The following TLL2 variants were observed in gnomAD, a reference collection of about 807,000 sequenced individuals.
The protein encoded by TLL2 is tolloid like 2.
A neutral mutation model predicts 123.0 loss-of-function variants in TLL2; 106 were observed. The ratio of observed to expected loss-of-function variants is 0.86; its 90% CI spans 0.74 to 1.01. TLL2 has a LOEUF of 1.01. Among genes scored for constraint, TLL2 ranks in the 50% least tolerant of loss-of-function variants. The probability of loss-of-function intolerance (pLI) is 0.00; values close to 1 mark genes in which losing one functional copy is unlikely to be tolerated. For missense variants in TLL2, 1,332 were observed against 1,336.7 expected (o/e 1.00, Z 0.06); for synonymous variants, 494 against 516.8 (o/e 0.96, Z 0.60).
At position 96,432,922 on chromosome 10, in the gene TLL2, G is replaced by A. The variant is rs749932590; in HGVS notation, c.405C>T (p.Thr135=). ...AGAAGGTCTTGGCTGCGGCATGCAA[G>A]GTCCCAGGGCTGTGCAGGAGTGTGG... The part of the protein sequence containing the change: ...ENTTLLHSPG[T]LHAAAKTFSP... Residue 135 remains threonine, a synonymous_variant, in exon 4 of 21, where the codon ACC becomes ACT. Coordinates refer to ENST00000357947, the MANE Select transcript of TLL2 (RefSeq NM_012465.4). The A allele has an allele frequency of 5.6e-6, 9 of 1,614,128 alleles. No homozygotes were observed. Among genetic ancestry groups the A allele is most frequent in the African/African-American group, 1.3e-5 (1 of 75,020 alleles).
At chr10:96,375,352 C>A (rs889376100) in intron 18 of TLL2, 1 of 152,218 alleles carries the variant, frequency 6.6e-6, no homozygotes, top group African/African-American at 2.4e-5. Flanking sequence ...AGCCACCATC[C>A]GTTTCCCAAG....
intron 2 of TLL2, among the ~76,000 whole-genome samples, chr10:96,459,613 T>G (rs577339078): frequency 4.5e-5 from 6 of 132,408 alleles, no homozygotes; most frequent in African/African-American, 1.7e-4. Flanking sequence ...GAGGTTGCAG[T>G]CAACCAAAAT....
chr10:96,496,405 G>A (rs907785812), intron 1 of TLL2, among the ~76,000 whole-genome samples: 7 of 152,098 alleles, frequency 4.6e-5, no homozygotes, highest in Non-Finnish European at 8.8e-5. Context: ...CCATGTTAAA[G>A]GTCAGTCAGG....
rs985628733 is a variant in TLL2, at chr10:96,364,814, C to T, written c.*3274G>A. On this transcript the variant is annotated 3_prime_UTR_variant, in exon 21 of 21. Transcript: ENST00000357947. Reference sequence around the variant, plus strand: ...CATTTGGTATTACTCTTCAGAAGTTCGGTCTACAAAAGAAACTTTAAAAAC... The same window carrying T: ...CATTTGGTATTACTCTTCAGAAGTTTGGTCTACAAAAGAAACTTTAAAAAC... 2.0e-5 allele frequency: 3 copies of T among 152,590 alleles called. No individual in the cohort carries two copies. The highest frequency in any genetic ancestry group is 2.1e-4 in the South Asian group (1 of 4,814). 9.5% of individuals were successfully genotyped at this position (152,590 alleles called of 1,614,324 possible). A position where few individuals can be genotyped will look rare whatever the true frequency, so the allele number is the denominator to read the frequency against.
At chr10:96,485,096 G>A (rs1443908213) in intron 1 of TLL2, among the ~76,000 whole-genome samples, 1 of 152,124 alleles carries the variant, frequency 6.6e-6, no homozygotes, top group African/African-American at 2.4e-5. Flanking sequence ...AAAGAATAAA[G>A]TTGAATTCCT....
chr10:96,450,158 CATGGATGG>C lies in TLL2; in HGVS notation c.287-3998_287-3991del, dbSNP rs3033656. On this transcript the variant is annotated intron_variant, in intron 2 of 20. Transcript: ENST00000357947. ...GGATGGGTAGGTGGGTGAATGAATG[CATGGATGG>C]ATGGATGGATGGATGGATGGATGGA... Among the ~76,000 whole-genome samples, 705 of 150,778 alleles carry C rather than the reference CATGGATGG, an allele frequency of 4.7e-3. 7 individuals are homozygous for C. The highest frequency in any genetic ancestry group is 0.016 in the African/African-American group (637 of 40,902).
intron 16 of TLL2, among the ~76,000 whole-genome samples, chr10:96,380,309 C>T (rs755063833): frequency 5.9e-5 from 9 of 152,144 alleles, no homozygotes; most frequent in Non-Finnish European, 1.0e-4. Context: ...CTTTAGGGGT[C>T]AGCCCTGTCT....
intron 1 of TLL2, among the ~76,000 whole-genome samples, chr10:96,481,587 C>G (rs1302016711): frequency 6.6e-6 from 1 of 152,208 alleles, no homozygotes; most frequent in African/African-American, 2.4e-5. Flanking sequence ...GAAGTCATCT[C>G]TATGTTATGC....
At chr10:96,368,365 T>C (rs1054260728) in intron 20 of TLL2, 143 bp from the exon 21 acceptor site, 21 of 982,992 alleles carry the variant, frequency 2.1e-5, no homozygotes, top group Non-Finnish European at 1.6e-5. Context: ...ACAAGCTCCT[T>C]TTCAAAAGAA....
chr10:96,388,682 C>T (rs991879961), intron 13 of TLL2, among the ~76,000 whole-genome samples: 1 of 152,194 alleles, frequency 6.6e-6, no homozygotes, highest in South Asian at 2.1e-4. Flanking sequence ...AAACACAAAC[C>T]CTCCAATCAT....
intron 7 of TLL2, among the ~76,000 whole-genome samples, chr10:96,415,749 C>CTGTCTCTT (rs1214682827): frequency 1.9e-5 from 2 of 103,058 alleles, no homozygotes; most frequent in African/African-American, 8.5e-5. Context: ...GTCTCTCTCT[C>CTGTCTCTT]TCTCTCTCTC....
intron 1 of TLL2, among the ~76,000 whole-genome samples, chr10:96,509,888 A>AGT (rs1387600080): frequency 6.6e-5 from 10 of 152,238 alleles, no homozygotes; most frequent in Non-Finnish European, 1.5e-4. Context: ...CGGAGCTTGC[A>AGT]GTGAGCCGAG....
intron 9 of TLL2, among the ~76,000 whole-genome samples, chr10:96,409,973 C>T (rs559277326): frequency 1.3e-5 from 2 of 152,278 alleles, no homozygotes; most frequent in Non-Finnish European, 2.9e-5. Context: ...TCTTTAAGCC[C>T]CAAATGCTGA....
chr10:96,478,739 T>C (rs1847283216), intron 2 of TLL2, among the ~76,000 whole-genome samples: 1 of 152,138 alleles, frequency 6.6e-6, no homozygotes. Flanking sequence ...TACGACTCCA[T>C]GCAGGTAAAA....
intron 19 of TLL2, 123 bp downstream of exon 19, chr10:96,373,473 G>A (rs552270476): frequency 2.4e-5 from 21 of 888,528 alleles, no homozygotes; most frequent in African/African-American, 5.0e-5. Context: ...ATTTTATCAC[G>A]CACCTTCCTC....
intron 18 of TLL2, chr10:96,374,687 C>G (rs986714935): frequency 2.6e-5 from 4 of 152,328 alleles, no homozygotes; most frequent in Admixed American, 2.0e-4. Context: ...CTGAACTTGA[C>G]CCCAGCTAGC....
At chr10:96,483,688 T>C (rs534360570) in intron 1 of TLL2, among the ~76,000 whole-genome samples, 1 of 152,260 alleles carries the variant, frequency 6.6e-6, no homozygotes, top group East Asian at 1.9e-4. Flanking sequence ...GTAAGTATGT[T>C]GTATATACGG....
intron 8 of TLL2, among the ~76,000 whole-genome samples, chr10:96,412,650 A>C (rs1846518135): frequency 6.6e-6 from 1 of 152,182 alleles, no homozygotes; most frequent in Non-Finnish European, 1.5e-5. Flanking sequence ...GCCACTGACC[A>C]GCACCTAGGA....
chr10:96,391,243 AT>A (rs1176439930), intron 13 of TLL2, among the ~76,000 whole-genome samples: 2 of 152,160 alleles, frequency 1.3e-5, no homozygotes, highest in Admixed American at 6.5e-5. Flanking sequence ...CTCACTAGGT[AT>A]TTACTGAGCC....
Sources: gnomAD v4.1 joint callset for allele counts (sites outside exome capture counted in the v4.1 genomes callset) on GRCh38, gnomAD v4.1.1 for gene constraint, MANE v1.5 for transcripts, NCBI Gene and HGNC (gene_info 2026-07-23, HGNC 2026-07-21) for gene names.